Variants in CDK14 observed in about 807,000 individuals in gnomAD.
CDK14 encodes cyclin dependent kinase 14.
A neutral mutation model predicts 60.7 loss-of-function variants in CDK14; 34 were observed. The ratio of observed to expected loss-of-function variants is 0.56; its 90% confidence interval spans 0.43 to 0.75. The LOEUF is 0.75. CDK14 is among the 30% of genes least tolerant of loss of function. The pLI, the probability that CDK14 is intolerant of heterozygous loss-of-function variation, is 0.00. For missense variants in CDK14, 482 were observed against 564.1 expected (o/e 0.85, Z 1.47); for synonymous variants, 197 against 203.7 (o/e 0.97, Z 0.28).
chr7:90,889,860 C>CT (rs1792059728), intron 6 of CDK14, among the ~76,000 whole-genome samples: 1 of 152,174 alleles, frequency 6.6e-6, no homozygotes, highest in Non-Finnish European at 1.5e-5. Context: ...CATATTGTCT[C>CT]TATCATCATA....
chr7:90,942,954 AT>A (rs1297249743), intron 8 of CDK14, among the ~76,000 whole-genome samples: 4 of 152,088 alleles, frequency 2.6e-5, no homozygotes, highest in Middle Eastern at 3.2e-3. Context: ...TGAAATGAGT[AT>A]TTTTATACTT....
chr7:90,682,952 C>T (rs1801350956), intron 2 of CDK14, among the ~76,000 whole-genome samples: 1 of 152,148 alleles, frequency 6.6e-6, no homozygotes. Flanking sequence ...AGGCACATGG[C>T]GTCCATCTGC....
chr7:90,691,233 A>G (rs1205395169), intron 2 of CDK14, among the ~76,000 whole-genome samples: 1 of 152,164 alleles, frequency 6.6e-6, no homozygotes, highest in African/African-American at 2.4e-5. Flanking sequence ...CCCTCCCGGA[A>G]CTTAGCCGTG....
intron 5 of CDK14, among the ~76,000 whole-genome samples, chr7:90,802,512 A>G (rs1788680706): frequency 6.6e-6 from 1 of 152,136 alleles, no homozygotes; most frequent in African/African-American, 2.4e-5. Flanking sequence ...CTTACAGTAA[A>G]TTTTAATAAA....
At chr7:91,120,430 T>C (rs1799746218) in intron 14 of CDK14, among the ~76,000 whole-genome samples, 1 of 152,218 alleles carries the variant, frequency 6.6e-6, no homozygotes. Flanking sequence ...TTTTTTAAAC[T>C]AGATGTCAGG....
chr7:91,095,670 C>T (rs146468864), intron 12 of CDK14, among the ~76,000 whole-genome samples: 5 of 152,034 alleles, frequency 3.3e-5, no homozygotes, highest in African/African-American at 7.2e-5. Flanking sequence ...TAGGAAATTA[C>T]GTATGGAGAT....
At chr7:90,979,739 A>G (rs942961088) in intron 9 of CDK14, 10 of 152,210 alleles carry the variant, frequency 6.6e-5, no homozygotes, top group Non-Finnish European at 1.3e-4. Context: ...GTTACAGAAA[A>G]TGTTACTGTA....
chr7:90,892,005 G>A (rs1792143400), intron 6 of CDK14, among the ~76,000 whole-genome samples: 1 of 152,216 alleles, frequency 6.6e-6, no homozygotes, highest in South Asian at 2.1e-4. Context: ...TAGGTAAAGA[G>A]AAACATAAGC....
chr7:90,671,423 T>C (rs1228216885), intron 2 of CDK14, among the ~76,000 whole-genome samples: 1 of 152,126 alleles, frequency 6.6e-6, no homozygotes, highest in Non-Finnish European at 1.5e-5. Flanking sequence ...TGTTAAGATG[T>C]AAACAAATGA....
At chr7:90,842,259 T>TA (rs1257200470) in intron 5 of CDK14, among the ~76,000 whole-genome samples, 4 of 152,148 alleles carry the variant, frequency 2.6e-5, no homozygotes, top group Non-Finnish European at 4.4e-5. Flanking sequence ...GCAGTAACAT[T>TA]AGGCATCTAA....
intron 8 of CDK14, among the ~76,000 whole-genome samples, chr7:90,947,609 A>G (rs1025263958): frequency 3.9e-5 from 6 of 152,210 alleles, no homozygotes; most frequent in African/African-American, 1.4e-4. Context: ...TGTAATGAGC[A>G]CTGTACATCC....
chr7:90,906,317 A>G (rs1334189567), intron 7 of CDK14, among the ~76,000 whole-genome samples: 3 of 152,146 alleles, frequency 2.0e-5, no homozygotes, highest in African/African-American at 7.2e-5. Context: ...ACATTGTAAT[A>G]GTTCTTTATA....
At chr7:91,125,048 T>A (rs1296514778) in intron 14 of CDK14, among the ~76,000 whole-genome samples, 1 of 152,132 alleles carries the variant, frequency 6.6e-6, no homozygotes, top group East Asian at 1.9e-4. Context: ...AGGAGGCTGT[T>A]TGAGTTGAAG....
chr7:90,975,990 G>A (rs1165374152), intron 9 of CDK14, among the ~76,000 whole-genome samples: 2 of 152,054 alleles, frequency 1.3e-5, no homozygotes, highest in Non-Finnish European at 2.9e-5. Flanking sequence ...GAATAGTTCT[G>A]CAGTGAACAT....
At chr7:91,037,165 T>C (rs1248890881) in intron 10 of CDK14, among the ~76,000 whole-genome samples, 1 of 152,266 alleles carries the variant, frequency 6.6e-6, no homozygotes, top group Non-Finnish European at 1.5e-5. Context: ...TTTATAGCTA[T>C]CACATTTTCC....
intron 14 of CDK14, among the ~76,000 whole-genome samples, chr7:91,130,068 AAAGAAG>A (rs1800071028): frequency 6.6e-6 from 1 of 152,168 alleles, no homozygotes; most frequent in Non-Finnish European, 1.5e-5. Context: ...TTGTACTGTA[AAAGAAG>A]AATATATCTG....
intron 14 of CDK14, among the ~76,000 whole-genome samples, chr7:91,141,725 C>T (rs1800466732): frequency 6.6e-6 from 1 of 152,160 alleles, no homozygotes; most frequent in Non-Finnish European, 1.5e-5. Context: ...TTCCAAAACA[C>T]TTGTGGAGGT....
At chr7:91,070,707 C>T (rs747492432) in intron 11 of CDK14, among the ~76,000 whole-genome samples, 3 of 151,708 alleles carry the variant, frequency 2.0e-5, no homozygotes, top group Non-Finnish European at 4.4e-5. Context: ...CTGCAGTGAG[C>T]GTGATTATGC....
chr7:91,187,885 C>G (rs1034595354), intron 14 of CDK14, among the ~76,000 whole-genome samples: 13 of 151,124 alleles, frequency 8.6e-5, no homozygotes, highest in Admixed American at 7.4e-4. Context: ...CTGCGCCATA[C>G]TGTCTTCTCC....
Sources: allele counts gnomAD v4.1 joint callset (sites outside exome capture counted in the v4.1 genomes callset), GRCh38; gene constraint gnomAD v4.1.1; transcripts MANE v1.5; gene names NCBI Gene and HGNC (gene_info 2026-07-23, HGNC 2026-07-21).